Variants in ESRRG observed in about 807,000 individuals in gnomAD.
The protein encoded by ESRRG is estrogen-related receptor gamma.
Under a neutral mutation model 44.0 loss-of-function variants are expected in ESRRG, and 13 were observed. That is an observed-to-expected ratio of 0.30 (90% CI 0.19 to 0.47). The LOEUF (loss-of-function observed/expected upper bound fraction) is 0.47. Ranked by LOEUF, ESRRG falls within the 20% of genes least tolerant of loss-of-function variation. The pLI, the probability that ESRRG is intolerant of heterozygous loss-of-function variation, is 1.00. For synonymous variants in ESRRG, 215 were observed against 214.6 expected, an observed-to-expected ratio of 1.00 and a Z score of -0.02; for missense variants, 395 against 580.6, an observed-to-expected ratio of 0.68 and a Z score of 3.29.
In ESRRG at chr1:216,616,706, C is replaced by G. The variant is rs957607527; in HGVS notation, c.589+34267G>C. 6.6e-5 allele frequency among the ~76,000 whole-genome samples: 8 copies of G among 121,154 alleles called. No individual in the cohort carries two copies. In the East Asian group the frequency reaches 2.2e-3, roughly 33 times the overall value. The allele number at this position is 121,154 out of a possible 152,430, so 79.5% of individuals were successfully genotyped here. On this transcript the variant is annotated intron_variant, in intron 3 of 6. Coordinates refer to ENST00000408911, the MANE Select transcript of ESRRG (RefSeq NM_001438.4). Reference sequence around the variant, plus strand: ...CACTGAGCTGATCTCACTTTCCTCCCTCTTCTCTCTATTATCTCTAAAAGC... The same window carrying G: ...CACTGAGCTGATCTCACTTTCCTCCGTCTTCTCTCTATTATCTCTAAAAGC...
chr1:216,516,207 T>C (rs1295763931), intron 6 of ESRRG, among the ~76,000 whole-genome samples: 1 of 152,162 alleles, frequency 6.6e-6, no homozygotes, highest in Non-Finnish European at 1.5e-5. Context: ...TGTAAGTTTC[T>C]TATCTTCAAA....
At chr1:216,566,848 T>C (rs1033285166) in intron 4 of ESRRG, among the ~76,000 whole-genome samples, 6 of 152,226 alleles carry the variant, frequency 3.9e-5, no homozygotes, top group Admixed American at 2.6e-4. Flanking sequence ...AAGGAAACTA[T>C]GCCATATGTT....
In ESRRG at chr1:216,677,274, C is replaced by T; in HGVS notation, c.274G>A (p.Gly92Arg). 6.2e-7 allele frequency: 1 copy of T among 1,614,058 alleles called. No homozygotes were observed. The highest frequency in any genetic ancestry group is 1.7e-5 in the Admixed American group (1 of 60,012). ...AGTTTCCTGACAGGCCCACTACCTC[C>T]CAGGATAGGAGCAGAAGGGTAGAGA... ...PPLYPSAPIL[G>R]GSGPVRKLYD... The change falls in exon 2 of 7, where the codon GGA (glycine) becomes AGA (arginine). Residue 92 changes from glycine to arginine, a missense_variant. Physicochemically the swap from Gly to Arg is moderately radical, Grantham distance 125 (BLOSUM62 -2). This residue lies in a region of ESRRG where 148 missense variants were observed against 150.4 expected (regional missense o/e 0.98). Transcript: ENST00000408911.
At chr1:216,679,378 G>C (rs1248918681) in intron 1 of ESRRG, among the ~76,000 whole-genome samples, 3 of 152,140 alleles carry the variant, frequency 2.0e-5, no homozygotes, top group Non-Finnish European at 4.4e-5. Context: ...AAGCGGGTCG[G>C]CACTGACTTA....
intron 3 of ESRRG, among the ~76,000 whole-genome samples, chr1:216,649,472 T>C (rs1215530638): frequency 6.6e-6 from 1 of 151,820 alleles, no homozygotes; most frequent in Non-Finnish European, 1.5e-5. Context: ...CCATCCATTC[T>C]CCTTTCCATC....
At chr1:216,834,415 A>G (rs1468370125) in intron 2 of ESRRG, among the ~76,000 whole-genome samples, 1 of 152,130 alleles carries the variant, frequency 6.6e-6, no homozygotes, top group East Asian at 1.9e-4. Flanking sequence ...AAAATAAAAT[A>G]AATACAATAA....
At chr1:216,837,923 G>T (rs1163114312) in intron 2 of ESRRG, among the ~76,000 whole-genome samples, 1 of 152,186 alleles carries the variant, frequency 6.6e-6, no homozygotes, top group South Asian at 2.1e-4. Context: ...CCAATAGAGA[G>T]AGTAGACTTA....
At chr1:216,779,856 ACACT>A (rs376497831) in intron 2 of ESRRG, among the ~76,000 whole-genome samples, 3 of 151,736 alleles carry the variant, frequency 2.0e-5, no homozygotes, top group African/African-American at 7.3e-5. Flanking sequence ...TATCTCTCTG[ACACT>A]CAGTACTTTC....
chr1:217,072,619 A>G (rs924652), intron 1 of ESRRG, among the ~76,000 whole-genome samples: 22,468 of 152,158 alleles, frequency 0.15, 2,333 homozygotes, highest in East Asian at 0.59. Context: ...TTTTGAAATT[A>G]CAGCTTCAGG....
intron 1 of ESRRG, among the ~76,000 whole-genome samples, chr1:217,067,153 G>A (rs1315758892): frequency 6.6e-5 from 10 of 152,160 alleles, no homozygotes; most frequent in African/African-American, 2.4e-4. Flanking sequence ...AGCCTTAAAA[G>A]CTTGGAACTA....
At chr1:217,018,504 T>C (rs1202678404) in intron 1 of ESRRG, among the ~76,000 whole-genome samples, 4 of 152,198 alleles carry the variant, frequency 2.6e-5, no homozygotes, top group Non-Finnish European at 5.9e-5. Flanking sequence ...TTTTCTGAGC[T>C]GGTTCCTGCC....
At chr1:216,598,436 G>A (rs1296266587) in intron 3 of ESRRG, among the ~76,000 whole-genome samples, 2 of 152,070 alleles carry the variant, frequency 1.3e-5, no homozygotes, top group Non-Finnish European at 1.5e-5. Context: ...AACAAAAATC[G>A]CTGAAAGAAA....
At chr1:216,764,826 G>T (rs1335502784) in intron 2 of ESRRG, among the ~76,000 whole-genome samples, 1 of 152,084 alleles carries the variant, frequency 6.6e-6, no homozygotes, top group African/African-American at 2.4e-5. Flanking sequence ...TAATTGCAGG[G>T]GTAGGGGAAC....
chr1:216,516,744 A>G (rs1051423161), intron 6 of ESRRG, among the ~76,000 whole-genome samples: 5 of 151,990 alleles, frequency 3.3e-5, no homozygotes, highest in African/African-American at 1.2e-4. Flanking sequence ...TTTTATACTG[A>G]TATGTGTATG....
At chr1:216,927,761 C>T (rs1357482119) in intron 2 of ESRRG, among the ~76,000 whole-genome samples, 2 of 152,028 alleles carry the variant, frequency 1.3e-5, no homozygotes, top group African/African-American at 2.4e-5. Flanking sequence ...CACCGCGGGA[C>T]GGGGCTCCCA....
intron 2 of ESRRG, among the ~76,000 whole-genome samples, chr1:216,857,091 C>T (rs2095956865): frequency 1.3e-5 from 2 of 152,008 alleles, no homozygotes; most frequent in African/African-American, 2.4e-5. Flanking sequence ...CTCCTTCTAA[C>T]GACTTCCAGC....
At chr1:216,909,034 C>CATAT (rs1174646066) in intron 2 of ESRRG, among the ~76,000 whole-genome samples, 2 of 152,054 alleles carry the variant, frequency 1.3e-5, no homozygotes, top group Non-Finnish European at 2.9e-5. Context: ...ACAAAGCACA[C>CATAT]ATATATTTCC....
chr1:216,937,321 G>A (rs551108052), intron 2 of ESRRG, among the ~76,000 whole-genome samples: 7 of 152,242 alleles, frequency 4.6e-5, no homozygotes, highest in African/African-American at 1.4e-4. Flanking sequence ...TATAAAAATA[G>A]GCTTGAACAA....
At chr1:216,623,605 T>A (rs2062677046) in intron 3 of ESRRG, among the ~76,000 whole-genome samples, 1 of 152,054 alleles carries the variant, frequency 6.6e-6, no homozygotes, top group South Asian at 2.1e-4. Context: ...TAAGGAAACA[T>A]AAAACAAAGC....
Sources: gnomAD v4.1 joint callset for allele counts (sites outside exome capture counted in the v4.1 genomes callset) on GRCh38, gnomAD v4.1.1 for gene constraint, gnomAD v4.1.1 regional missense constraint, MANE v1.5 for transcripts, NCBI Gene and HGNC (gene_info 2026-07-23, HGNC 2026-07-21) for gene names.